TBXAS1: variants seen among roughly 807,000 people sequenced by gnomAD.
The protein encoded by TBXAS1 is thromboxane A synthase 1.
TBXAS1 carries 48 observed loss-of-function variants against 60.7 expected under a neutral mutation model. The observed-to-expected ratio is 0.79, with a 90% CI of 0.63 to 1.01. The LOEUF (loss-of-function observed/expected upper bound fraction) is 1.01, where lower values mean the gene tolerates loss of function less well. TBXAS1 is among the 50% of genes least tolerant of loss of function. The probability of loss-of-function intolerance (pLI) is 0.00; values close to 1 mark genes in which losing one functional copy is unlikely to be tolerated. For missense variants in TBXAS1, 685 were observed against 686.3 expected, an observed-to-expected ratio of 1.00 and a Z score of 0.02; for synonymous variants, 287 against 269.7, an observed-to-expected ratio of 1.06 and a Z score of -0.63.
chr7:139,995,426 C>T (rs540803829), intron 9 of TBXAS1, among the ~76,000 whole-genome samples: 6 of 152,190 alleles, frequency 3.9e-5, no homozygotes, highest in South Asian at 4.1e-4. Context: ...CTTCCCGTCA[C>T]GTTTATTTGG....
At chr7:139,861,296 C>T (rs749261648) in intron 1 of TBXAS1, among the ~76,000 whole-genome samples, 6 of 151,904 alleles carry the variant, frequency 3.9e-5, no homozygotes, top group East Asian at 3.9e-4. Context: ...TGCAGTGGTG[C>T]GATCATAGCT....
chr7:139,895,224 G>A (rs1401259267), intron 3 of TBXAS1, among the ~76,000 whole-genome samples: 39 of 152,170 alleles, frequency 2.6e-4, no homozygotes, highest in Non-Finnish European at 1.5e-5. Flanking sequence ...GGAATGGTTG[G>A]GGGAATGGAA....
At chr7:139,861,536 C>T (rs966926149) in intron 1 of TBXAS1, among the ~76,000 whole-genome samples, 2 of 151,354 alleles carry the variant, frequency 1.3e-5, no homozygotes, top group African/African-American at 2.4e-5. Flanking sequence ...ATTACAGGAG[C>T]GAGCCACTGT....
chr7:139,956,784 C>A (rs571390791), intron 7 of TBXAS1, among the ~76,000 whole-genome samples: 1 of 152,378 alleles, frequency 6.6e-6, no homozygotes, highest in African/African-American at 2.4e-5. Context: ...ACGGCCCAGG[C>A]CTGTGGGGCA....
At chr7:139,991,088 A>G (rs1812865116) in intron 9 of TBXAS1, among the ~76,000 whole-genome samples, 1 of 152,220 alleles carries the variant, frequency 6.6e-6, no homozygotes, top group African/African-American at 2.4e-5. Flanking sequence ...GGAACGACGC[A>G]GAAGCAGAAA....
intron 4 of TBXAS1, among the ~76,000 whole-genome samples, chr7:139,912,489 C>T (rs754259951): frequency 3.3e-5 from 5 of 152,108 alleles, no homozygotes; most frequent in Non-Finnish European, 7.3e-5. Context: ...TAGGGAAGTA[C>T]GTATTCATTC....
chr7:139,814,905 G>C (rs1585545633), intron 4 of TBXAS1, among the ~76,000 whole-genome samples: 1 of 152,130 alleles, frequency 6.6e-6, no homozygotes, highest in East Asian at 1.9e-4. Context: ...TGAGCTCCCT[G>C]AGCACAGGGC....
chr7:139,860,398 A>G (rs1032515512), intron 1 of TBXAS1, among the ~76,000 whole-genome samples: 1 of 152,134 alleles, frequency 6.6e-6, no homozygotes, highest in Admixed American at 6.5e-5. Flanking sequence ...ATCTACATAC[A>G]CTATAAGTTG....
intron 2 of TBXAS1, among the ~76,000 whole-genome samples, chr7:139,873,768 G>A (rs545461729): frequency 5.9e-5 from 9 of 151,990 alleles, no homozygotes; most frequent in Non-Finnish European, 1.0e-4. Context: ...TCTCACATTG[G>A]GTTTTCTCAG....
At chr7:139,824,994 A>T (rs1452089337), upstream of TBXAS1, among the ~76,000 whole-genome samples, 5 of 151,542 alleles carry the variant, frequency 3.3e-5, no homozygotes, top group East Asian at 9.7e-4. Flanking sequence ...CATGCCTGGC[A>T]AATTTTTGTA....
At chr7:140,018,172 T>G (rs1465831848) in intron 12 of TBXAS1, among the ~76,000 whole-genome samples, 1 of 152,130 alleles carries the variant, frequency 6.6e-6, no homozygotes, top group East Asian at 1.9e-4. Flanking sequence ...CTCTTCCCAC[T>G]TCCACAAAGG....
chr7:139,904,997 CTCTTTCTCTCTTTCTT>C lies in TBXAS1; in HGVS notation c.237-6220_237-6205del, dbSNP rs1306744664. On this transcript the variant is annotated intron_variant, in intron 3 of 12. Coordinates refer to ENST00000448866, the MANE Select transcript of TBXAS1 (RefSeq NM_001061.7). ...CCTTTCTTTCTCTTTCTCTCTTTCT[CTCTTTCTCTCTTTCTT>C]TCTTTCTTTCTTTCTTTCTTTCTTT... Among the ~76,000 whole-genome samples the C allele has an allele frequency of 4.3e-4, 40 of 93,172 alleles. 1 individual carries two copies. Among genetic ancestry groups the C allele is most frequent in the African/African-American group, 1.5e-3 (33 of 21,422 alleles). The allele number at this position is 93,172 out of a possible 152,430, so 61.1% of individuals were successfully genotyped here. A position where few individuals can be genotyped will look rare whatever the true frequency, so the allele number is the denominator to read the frequency against.
rs780257012 is a variant in TBXAS1, at chr7:140,020,123, G to T, written c.*24G>T. 4 of 1,554,724 alleles carry T rather than the reference G, an allele frequency of 2.6e-6. No individual in the cohort carries two copies. The highest frequency in any genetic ancestry group is 2.2e-5 in the South Asian group (2 of 89,854). On this transcript the variant is annotated 3_prime_UTR_variant, in exon 13 of 13. Transcript: ENST00000448866. Reference sequence around the variant, plus strand: ...GACACAGAAGGCTGCCGGGTGGGGGGAGGGCACCCCCAAATTCAAAGAAAA... The same window carrying T: ...GACACAGAAGGCTGCCGGGTGGGGGTAGGGCACCCCCAAATTCAAAGAAAA...
chr7:139,785,468 C>CGTT (rs35801234), intron 3 of TBXAS1, among the ~76,000 whole-genome samples: 86,714 of 147,896 alleles, frequency 0.59, 25,585 homozygotes, highest in East Asian at 0.94. Flanking sequence ...CCCATTGTTT[C>CGTT]GTTGTTGTTG....
chr7:139,933,892 G>A (rs892908768), intron 4 of TBXAS1, among the ~76,000 whole-genome samples: 1 of 150,252 alleles, frequency 6.7e-6, no homozygotes, highest in African/African-American at 2.5e-5. Context: ...TCTGACCAAT[G>A]GTGGGGGCTC....
At chr7:139,918,147 T>A (rs1249686613) in intron 4 of TBXAS1, among the ~76,000 whole-genome samples, 6 of 152,240 alleles carry the variant, frequency 3.9e-5, no homozygotes. Flanking sequence ...CTCAGTAGTA[T>A]GGTGAAATGT....
At chr7:139,923,922 G>A (rs974536726) in intron 4 of TBXAS1, among the ~76,000 whole-genome samples, 7 of 152,042 alleles carry the variant, frequency 4.6e-5, no homozygotes, top group South Asian at 2.1e-4. Flanking sequence ...GGCTTATTTC[G>A]TTTAACAAAA....
chr7:139,786,848 C>A (rs1797217079), intron 3 of TBXAS1, among the ~76,000 whole-genome samples: 2 of 152,088 alleles, frequency 1.3e-5, no homozygotes, highest in South Asian at 2.1e-4. Context: ...AGAGGTGGTC[C>A]ATTTCCTTTC....
intron 4 of TBXAS1, among the ~76,000 whole-genome samples, chr7:139,794,888 C>A (rs1281347918): frequency 6.7e-6 from 1 of 148,496 alleles, no homozygotes; most frequent in Admixed American, 6.8e-5. Flanking sequence ...TGTATATGTG[C>A]CACATTTTCT....
Sources: allele counts gnomAD v4.1 joint callset (sites outside exome capture counted in the v4.1 genomes callset), GRCh38; gene constraint gnomAD v4.1.1; transcripts MANE v1.5; gene names NCBI Gene and HGNC (gene_info 2026-07-23, HGNC 2026-07-21).